PCDHGA12: variants seen among roughly 807,000 people sequenced by gnomAD.
The protein encoded by PCDHGA12 is protocadherin gamma-A12.
In PCDHGA12, 43 loss-of-function variants were observed where a neutral mutation model predicts 61.1. The ratio of observed to expected loss-of-function variants is 0.70; its 90% CI spans 0.55 to 0.91. The LOEUF is 0.91. Among genes scored for constraint, PCDHGA12 ranks in the 40% least tolerant of loss-of-function variants. The pLI is 0.00. For missense variants in PCDHGA12, 1,236 were observed against 1,227.7 expected, an observed-to-expected ratio of 1.01 and a Z score of -0.10; for synonymous variants, 520 against 542.9, an observed-to-expected ratio of 0.96 and a Z score of 0.59.
Position 141,491,103 on chromosome 5 carries a change from G to T in PCDHGA12, c.2425-3704G>T, listed in dbSNP as rs1190609518. The T allele has an allele frequency of 6.2e-7, 1 of 1,614,162 alleles. No individual in the cohort carries two copies. ...CCACAGCCCCAGGACTGTTCCTCGT[G>T]TCTACACACACTGGTGAGGTGCGCA... On this transcript the variant is annotated intron_variant, in intron 1 of 3. Coordinates refer to ENST00000252085, the MANE Select transcript of PCDHGA12 (RefSeq NM_003735.3). The surrounding 1 kb of genome is among the most constrained non-coding windows in gnomAD (Gnocchi z 6.9).
chr5:141,457,422 TC>T (rs1038085994), intron 1 of PCDHGA12, among the ~76,000 whole-genome samples: 1 of 151,626 alleles, frequency 6.6e-6, no homozygotes, highest in African/African-American at 2.4e-5. Context: ...CATCCCTTTT[TC>T]CCCCCCACCA....
intron 1 of PCDHGA12, among the ~76,000 whole-genome samples, chr5:141,463,911 T>C (rs749224024): frequency 6.6e-6 from 1 of 152,156 alleles, no homozygotes; most frequent in African/African-American, 2.4e-5. Context: ...TAATAATATA[T>C]CCTGGAAATC....
Position 141,485,855 on chromosome 5 carries a change from C to A in PCDHGA12, c.2425-8952C>A. ...CCCGCCGAGATCTGGCACCGCAGAG[C>A]TCCGGGTATCCGTGCTGGACGTAAA... On this transcript the variant is annotated intron_variant, in intron 1 of 3. Transcript: ENST00000252085. The surrounding 1 kb of genome is among the most constrained non-coding windows in gnomAD (Gnocchi z 5.7). 6.2e-7 allele frequency: 1 copy of A among 1,614,196 alleles called. No homozygotes were observed. Among genetic ancestry groups the A allele is most frequent in the Non-Finnish European group, 8.5e-7 (1 of 1,180,036 alleles).
chr5:141,485,279 C>T lies in PCDHGA12; in HGVS notation c.2425-9528C>T. 1 of 1,614,108 alleles carries T rather than the reference C, an allele frequency of 6.2e-7. No individual in the cohort carries two copies. Among genetic ancestry groups the T allele is most frequent in the Non-Finnish European group, 8.5e-7 (1 of 1,179,966 alleles). ...TTGTGGGCAGATCCGCTACCCGGTC[C>T]CAGAGGAGTCACAGGAAGGGACTTT... On this transcript the variant is annotated intron_variant, in intron 1 of 3. Transcript: ENST00000252085. The surrounding 1 kb of genome is among the most constrained non-coding windows in gnomAD (Gnocchi z 5.7).
Position 141,491,324 on chromosome 5 carries a change from T to C in PCDHGA12, c.2425-3483T>C, listed in dbSNP as rs762200164. 16 of 1,614,060 alleles carry C rather than the reference T, an allele frequency of 9.9e-6. No homozygotes were observed. The highest frequency in any genetic ancestry group is 8.3e-5 in the Admixed American group (5 of 60,010). On this transcript the variant is annotated intron_variant, in intron 1 of 3. Transcript: ENST00000252085. This position sits in a 1 kb window ranked among gnomAD's most constrained non-coding sequence, Gnocchi z 6.9. ...CGTTCAGACCTTACCCTTTACCTCA[T>C]TGTGGCTCTAGCGACCGTCAGTCTC...
chr5:141,436,185 A>G (rs1324749623), intron 1 of PCDHGA12, among the ~76,000 whole-genome samples: 1 of 152,142 alleles, frequency 6.6e-6, no homozygotes, highest in Non-Finnish European at 1.5e-5. Flanking sequence ...ATATAGTCAA[A>G]TAGAAAGAAA....
In PCDHGA12 at chr5:141,489,911, G is replaced by A; in HGVS notation, c.2425-4896G>A. On this transcript the variant is annotated intron_variant, in intron 1 of 3. Transcript: ENST00000252085. The surrounding 1 kb of genome is among the most constrained non-coding windows in gnomAD (Gnocchi z 4.5). ...GATGGGGGGACCCCAGCCCGCTCAG[G>A]GACCACCCTTATCTCTGTCATCGTG... 3.7e-6 allele frequency: 6 copies of A among 1,614,198 alleles called. No individual in the cohort carries two copies. Among genetic ancestry groups the A allele is most frequent in the Non-Finnish European group, 5.1e-6 (6 of 1,180,042 alleles).
intron 1 of PCDHGA12, among the ~76,000 whole-genome samples, chr5:141,450,823 A>ATTT: frequency 7.5e-6 from 1 of 133,136 alleles, no homozygotes; most frequent in African/African-American, 2.9e-5. Flanking sequence ...TAATATTATT[A>ATTT]TTATTATTTT....
intron 1 of PCDHGA12, among the ~76,000 whole-genome samples, chr5:141,492,586 G>C (rs1451055991): frequency 6.6e-6 from 1 of 152,220 alleles, no homozygotes; most frequent in Admixed American, 6.5e-5. Context: ...GGGGCCAGGA[G>C]CGCTGGAGCG....
At chr5:141,475,815 C>T (rs2099373124) in intron 1 of PCDHGA12, 1 of 340,648 alleles carries the variant, frequency 2.9e-6, no homozygotes, top group Non-Finnish European at 5.3e-6. Flanking sequence ...AAGTGAAGTT[C>T]CTGGCGCTAG....
chr5:141,465,056 G>A (rs908104635), intron 1 of PCDHGA12, among the ~76,000 whole-genome samples: 9 of 151,044 alleles, frequency 6.0e-5, no homozygotes, highest in Non-Finnish European at 1.3e-4. Context: ...ATATTTTTTT[G>A]AATTGTCTGT....
chr5:141,480,578 A>G (rs1343189182), intron 1 of PCDHGA12, among the ~76,000 whole-genome samples: 1 of 133,254 alleles, frequency 7.5e-6, no homozygotes, highest in Admixed American at 7.4e-5. Context: ...GCAAGAAATA[A>G]CTGCCGCTCT....
intron 1 of PCDHGA12, among the ~76,000 whole-genome samples, chr5:141,465,041 C>T (rs2099095802): frequency 6.6e-6 from 1 of 151,856 alleles, no homozygotes; most frequent in Non-Finnish European, 1.5e-5. Flanking sequence ...CACAAATGAC[C>T]CTATATATTT....
chr5:141,454,628 AC>A (rs1272822911), intron 1 of PCDHGA12, among the ~76,000 whole-genome samples: 2 of 151,334 alleles, frequency 1.3e-5, no homozygotes, highest in Non-Finnish European at 2.9e-5. Context: ...CTGGTCTCGA[AC>A]CCCCAACCTC....
chr5:141,439,756 G>A (rs74623862), intron 1 of PCDHGA12: 30 of 152,422 alleles, frequency 2.0e-4, no homozygotes, highest in African/African-American at 7.0e-4. Context: ...CAGGCAATGA[G>A]TTCAGCTCCT....
chr5:141,502,084 G>A (rs1438350526), intron 2 of PCDHGA12, among the ~76,000 whole-genome samples: 1 of 152,154 alleles, frequency 6.6e-6, no homozygotes, highest in African/African-American at 2.4e-5. Context: ...CTGGGGCTGA[G>A]AACACCTGGC....
At chr5:141,488,565 C>T (rs1308485284) in intron 1 of PCDHGA12, among the ~76,000 whole-genome samples, 1 of 152,174 alleles carries the variant, frequency 6.6e-6, no homozygotes, top group Non-Finnish European at 1.5e-5. Flanking sequence ...GAGATTTCCG[C>T]AAAGCATTGC....
At chr5:141,445,895 A>C (rs930350527) in intron 1 of PCDHGA12, among the ~76,000 whole-genome samples, 1 of 152,212 alleles carries the variant, frequency 6.6e-6, no homozygotes, top group Admixed American at 6.5e-5. Context: ...GGAGCTATTA[A>C]AATATTTTAA....
chr5:141,485,641 G>T lies in PCDHGA12; in HGVS notation c.2425-9166G>T. The T allele has an allele frequency of 6.2e-7, 1 of 1,612,012 alleles. No individual in the cohort carries two copies. Among genetic ancestry groups the T allele is most frequent in the Non-Finnish European group, 8.5e-7 (1 of 1,178,470 alleles). On this transcript the variant is annotated intron_variant, in intron 1 of 3. Transcript: ENST00000252085. The surrounding 1 kb of genome is among the most constrained non-coding windows in gnomAD (Gnocchi z 5.7). Reference sequence around the variant, plus strand: ...CAGGACAGCGTTTCCCGTTGGAAAAGGCTCAGGATGCAGATGTGGGGAGCA... The same window carrying T: ...CAGGACAGCGTTTCCCGTTGGAAAATGCTCAGGATGCAGATGTGGGGAGCA...
Sources: gnomAD v4.1 joint callset for allele counts (sites outside exome capture counted in the v4.1 genomes callset) on GRCh38, gnomAD v4.1.1 for gene constraint, Gnocchi (gnomAD v3.1) non-coding constraint, MANE v1.5 for transcripts, NCBI Gene and HGNC (gene_info 2026-07-23, HGNC 2026-07-21) for gene names.